Variants in IRAK3 observed in about 807,000 individuals in gnomAD.
IRAK3 encodes the protein interleukin 1 receptor associated kinase 3, also known as interleukin-1 receptor-associated kinase 3.
Under a neutral mutation model 56.6 loss-of-function variants are expected in IRAK3, and 57 were observed. The ratio of observed to expected loss-of-function variants is 1.01; its 90% CI spans 0.81 to 1.26. The LOEUF (loss-of-function observed/expected upper bound fraction) is 1.26, where lower values mean the gene tolerates loss of function less well. IRAK3 is among the 50% of genes most tolerant of loss of function. The pLI is 0.00. For synonymous variants in IRAK3, 258 were observed against 255.7 expected, an observed-to-expected ratio of 1.01 and a Z score of -0.09; for missense variants, 703 against 719.0, an observed-to-expected ratio of 0.98 and a Z score of 0.25.
chr12:66,234,148 C>T, intron 8 of IRAK3: 2 of 1,614,218 alleles, frequency 1.2e-6, no homozygotes, highest in Admixed American at 1.7e-5. Context: ...GACCACTTGC[C>T]TCCTCAACAG....
At chr12:66,203,612 A>G in intron 1 of IRAK3, 99 bp from the exon 2 acceptor site, 1 of 1,073,716 alleles carries the variant, frequency 9.3e-7, no homozygotes, top group Admixed American at 2.0e-5. Context: ...GGAAAGTTAA[A>G]GTTATAAATA....
Position 66,207,875 on chromosome 12 carries a change from T to C in IRAK3, c.317-1581T>C, listed in dbSNP as rs61927094. On this transcript the variant is annotated intron_variant, in intron 2 of 11. Coordinates refer to ENST00000261233, the MANE Select transcript of IRAK3 (RefSeq NM_007199.3). ...GATTTGTGCTTGTATTTCAATATGA[T>C]CAGAAAATAGACTTTGTATGATTTT... Among the ~76,000 whole-genome samples the C allele has an allele frequency of 8.6e-3, 1,317 of 152,318 alleles. 8 individuals are homozygous for C. The highest frequency in any genetic ancestry group is 0.015 in the Non-Finnish European group (1,048 of 68,018).
intron 8 of IRAK3, chr12:66,235,331 G>A: frequency 8.9e-7 from 1 of 1,120,116 alleles, no homozygotes; most frequent in Non-Finnish European, 1.1e-6. Flanking sequence ...GGCAGCCTGG[G>A]CGCGGGGCAG....
chr12:66,222,846 C>G (rs373475711), intron 6 of IRAK3, among the ~76,000 whole-genome samples: 4 of 152,070 alleles, frequency 2.6e-5, no homozygotes, highest in African/African-American at 4.8e-5. Context: ...TAATTTCACT[C>G]GCGTCTGTGT....
rs368037325 is a variant in IRAK3 at position 66,252,209 on chromosome 12, G to T, written c.*4038G>T. The stretch of plus-strand genomic sequence containing the variant: ...GGTGTGGATCCCATCTTATAATAAG[G>T]TGAGGACACTGAGTCAGGAAACTAA... On this transcript the variant is annotated 3_prime_UTR_variant, in exon 12 of 12. Transcript: ENST00000261233. 1 of 151,882 alleles carries T rather than the reference G, an allele frequency of 6.6e-6. No individual in the cohort carries two copies. Among genetic ancestry groups the T allele is most frequent in the South Asian group, 2.1e-4 (1 of 4,824 alleles). The allele number at this position is 151,882 out of a possible 1,614,324, so 9.4% of individuals were successfully genotyped here.
chr12:66,248,089 A>G lies in IRAK3; in HGVS notation c.1709A>G (p.His570Arg). Residue 570 changes from histidine to arginine, a missense_variant, in exon 12 of 12, where the codon CAT becomes CGT. His to Arg is a conservative substitution (Grantham distance 29). Transcript: ENST00000261233. ...GATCCTTCTTCAGAAGCTCCAGGGC[A>G]TTCTTGCAGGAGCAGGCCAGTGGAG... ...NIDPSSEAPG[H>R]SCRSRPVESS... 1 of 1,601,630 alleles carries G rather than the reference A, an allele frequency of 6.2e-7. No individual in the cohort carries two copies. Among genetic ancestry groups the G allele is most frequent in the South Asian group, 1.1e-5 (1 of 89,470 alleles).
chr12:66,225,685 G>A (rs2052778504), intron 6 of IRAK3, among the ~76,000 whole-genome samples: 1 of 151,978 alleles, frequency 6.6e-6, no homozygotes, highest in African/African-American at 2.4e-5. Flanking sequence ...TGGGCTCATA[G>A]TGATGGCACA....
At chr12:66,216,188 T>C (rs1172725538) in intron 5 of IRAK3, among the ~76,000 whole-genome samples, 1 of 152,172 alleles carries the variant, frequency 6.6e-6, no homozygotes, top group African/African-American at 2.4e-5. Context: ...TGGAAAACTA[T>C]GGCCTTAGGG....
chr12:66,222,707 A>C (rs1347511048), intron 6 of IRAK3, among the ~76,000 whole-genome samples: 1 of 152,160 alleles, frequency 6.6e-6, no homozygotes, highest in Non-Finnish European at 1.5e-5. Flanking sequence ...GGTTCAAAGG[A>C]ATATTTTATA....
chr12:66,238,736 G>A (rs1243428857), intron 8 of IRAK3, among the ~76,000 whole-genome samples: 1 of 152,192 alleles, frequency 6.6e-6, no homozygotes, highest in Non-Finnish European at 1.5e-5. Context: ...ACACCCACAG[G>A]AGAAGCAGTG....
chr12:66,209,932 A>G (rs2052595564), intron 3 of IRAK3, among the ~76,000 whole-genome samples: 1 of 152,184 alleles, frequency 6.6e-6, no homozygotes, highest in Admixed American at 6.5e-5. Context: ...ATGACATTGA[A>G]ACTTGAGTTT....
intron 2 of IRAK3, 63 bp downstream of exon 2, chr12:66,203,956 G>T: frequency 7.3e-7 from 1 of 1,377,448 alleles, no homozygotes; most frequent in South Asian, 1.2e-5. Flanking sequence ...TTGTAAATTC[G>T]AATATTGCAT....
chr12:66,204,222 T>C (rs1380948624), intron 2 of IRAK3, among the ~76,000 whole-genome samples: 1 of 152,216 alleles, frequency 6.6e-6, no homozygotes. Context: ...TGAAACTCTT[T>C]GAGTCATAAA....
rs1209232218 is a variant in IRAK3, at chr12:66,251,136, C to T, written c.*2965C>T. On this transcript the variant is annotated 3_prime_UTR_variant, in exon 12 of 12. Transcript: ENST00000261233. Reference sequence around the variant, plus strand: ...CCAATCATCTTATTGACTAGACCATCTTTCTAGAGTATAACTATTTTGGAC... The same window carrying T: ...CCAATCATCTTATTGACTAGACCATTTTTCTAGAGTATAACTATTTTGGAC... 6.6e-6 allele frequency: 1 copy of T among 152,186 alleles called. No individual in the cohort carries two copies. Among genetic ancestry groups the T allele is most frequent in the East Asian group, 1.9e-4 (1 of 5,198 alleles). 9.4% of individuals were successfully genotyped at this position (152,186 alleles called of 1,614,324 possible). A position where few individuals can be genotyped will look rare whatever the true frequency, so the allele number is the denominator to read the frequency against.
intron 5 of IRAK3, among the ~76,000 whole-genome samples, chr12:66,216,285 C>G (rs1424374968): frequency 6.6e-6 from 1 of 152,132 alleles, no homozygotes; most frequent in Non-Finnish European, 1.5e-5. Flanking sequence ...GGACAATGGT[C>G]TTGTAAAATG....
intron 6 of IRAK3, among the ~76,000 whole-genome samples, chr12:66,220,836 A>G (rs1336729869): frequency 6.6e-6 from 1 of 150,708 alleles, no homozygotes; most frequent in East Asian, 2.0e-4. Context: ...TCTTTCTTAA[A>G]CTCACTTACT....
intron 5 of IRAK3, among the ~76,000 whole-genome samples, chr12:66,215,289 C>T (rs1197796294): frequency 6.6e-6 from 1 of 152,148 alleles, no homozygotes; most frequent in African/African-American, 2.4e-5. Flanking sequence ...CAGCTGCCAC[C>T]AAATCACACT....
At chr12:66,193,204 G>A (rs2052416024) in intron 1 of IRAK3, among the ~76,000 whole-genome samples, 1 of 151,904 alleles carries the variant, frequency 6.6e-6, no homozygotes, top group South Asian at 2.1e-4. Context: ...GTAGAGACAG[G>A]GTTTCTCCAT....
At chr12:66,233,325 T>G (rs2052864012) in intron 8 of IRAK3, among the ~76,000 whole-genome samples, 1 of 152,176 alleles carries the variant, frequency 6.6e-6, no homozygotes, top group South Asian at 2.1e-4. Context: ...GAGACCATCC[T>G]GGCTAACACG....
Sources: gnomAD v4.1 joint callset for allele counts (sites outside exome capture counted in the v4.1 genomes callset) on GRCh38, gnomAD v4.1.1 for gene constraint, MANE v1.5 for transcripts, NCBI Gene and HGNC (gene_info 2026-07-23, HGNC 2026-07-21) for gene names.